The following SORCS2 variants were observed in gnomAD, a reference collection of about 807,000 sequenced individuals.
The protein encoded by SORCS2 is sortilin related VPS10 domain containing receptor 2, also known as VPS10 domain-containing receptor SorCS2.
SORCS2 carries 100 observed loss-of-function variants against 141.6 expected under a neutral mutation model. That is an observed-to-expected ratio of 0.71 (90% CI 0.60 to 0.83). The LOEUF (loss-of-function observed/expected upper bound fraction) is 0.83. SORCS2 is among the 40% of genes least tolerant of loss of function. The probability of loss-of-function intolerance (pLI) is 0.00; values close to 1 mark genes in which losing one functional copy is unlikely to be tolerated. For missense variants in SORCS2, 1,646 were observed against 1,560.2 expected (o/e 1.05, Z -0.93); for synonymous variants, 789 against 676.9 (o/e 1.17, Z -2.57).
chr4:7,500,136 C>A lies in SORCS2; in HGVS notation c.549-31394C>A, dbSNP rs191200357. The stretch of plus-strand genomic sequence containing the variant: ...CTGCCTGTAACCCACTCACCATCAC[C>A]CGGAGCACACCCCTGCCCGGTGGTA... On this transcript the variant is annotated intron_variant, in intron 2 of 26. Coordinates refer to ENST00000507866, the MANE Select transcript of SORCS2 (RefSeq NM_020777.3). Among the ~76,000 whole-genome samples the A allele has an allele frequency of 7.2e-5, 11 of 152,292 alleles. No individual in the cohort carries two copies. In the East Asian group the frequency reaches 1.9e-3, roughly 27 times the overall value.
At chr4:7,400,281 G>A (rs893500832) in intron 2 of SORCS2, among the ~76,000 whole-genome samples, 13 of 152,228 alleles carry the variant, frequency 8.5e-5, no homozygotes, top group African/African-American at 2.6e-4. Flanking sequence ...TGCATGCTAC[G>A]GCTGCTGCCT....
chr4:7,557,279 G>A (rs1320474651), intron 3 of SORCS2, among the ~76,000 whole-genome samples: 2 of 152,148 alleles, frequency 1.3e-5, no homozygotes, highest in Non-Finnish European at 2.9e-5. Context: ...GTGGAGGGAC[G>A]GTGGCAGGGA....
rs565337511 is a variant in SORCS2, at chr4:7,235,229, C to A, written c.480+42103C>A. The stretch of plus-strand genomic sequence containing the variant: ...CTTGCATGAGGGCGCCTTGTGCAGC[C>A]GCACCAGTTAGTACCCCACCCTTCT... On this transcript the variant is annotated intron_variant, in intron 1 of 26. Coordinates refer to ENST00000507866, the MANE Select transcript of SORCS2 (RefSeq NM_020777.3). Among the ~76,000 whole-genome samples, 3 of 152,236 alleles carry A rather than the reference C, an allele frequency of 2.0e-5. No homozygotes were observed. In the East Asian group the frequency reaches 5.8e-4, roughly 29 times the overall value.
rs767275011 is a variant in SORCS2 at position 7,734,363 on chromosome 4, C to T, written c.3300C>T (p.Tyr1100=). Residue 1100 remains tyrosine, a synonymous_variant, in exon 25 of 27, where the codon TAC becomes TAT. Coordinates refer to ENST00000507866, the MANE Select transcript of SORCS2 (RefSeq NM_020777.3). ...TCGCAGCGGGAGCCTTCATCCTCTA[C>T]AAGTTCAAAAGGCAAGGCCCTTGGC... The part of the protein sequence containing the change: ...GLFAAGAFIL[Y]KFKRKRPGRT... 2.0e-5 allele frequency: 31 copies of T among 1,560,260 alleles called. No individual in the cohort carries two copies. Among genetic ancestry groups the T allele is most frequent in the African/African-American group, 2.7e-5 (2 of 73,770 alleles).
At chr4:7,649,892 A>G (rs1003949550) in intron 4 of SORCS2, among the ~76,000 whole-genome samples, 2 of 152,142 alleles carry the variant, frequency 1.3e-5, no homozygotes, top group Non-Finnish European at 2.9e-5. Flanking sequence ...TGACAAGGAC[A>G]CGTGGGAACA....
chr4:7,566,889 C>T (rs1008393383), intron 3 of SORCS2, among the ~76,000 whole-genome samples: 4 of 149,720 alleles, frequency 2.7e-5, no homozygotes, highest in African/African-American at 9.9e-5. Context: ...ACATGGGTAT[C>T]TGGTGAATGC....
chr4:7,440,649 C>T (rs1727604785), intron 2 of SORCS2, among the ~76,000 whole-genome samples: 1 of 152,238 alleles, frequency 6.6e-6, no homozygotes, highest in Non-Finnish European at 1.5e-5. Context: ...TTACCTGTCT[C>T]CCATCCCCTC....
At position 7,458,080 on chromosome 4, in the gene SORCS2, G is replaced by A. The variant is rs544484266; in HGVS notation, c.548+61725G>A. 1.6e-4 allele frequency among the ~76,000 whole-genome samples: 24 copies of A among 152,326 alleles called. No individual in the cohort carries two copies. In the Middle Eastern group the frequency reaches 0.01, roughly 65 times the overall value. ...GAGTGGGTGCCCAACTCCCCTCAGG[G>A]GTGCCATAGGTGACACAGTACTTCT... On this transcript the variant is annotated intron_variant, in intron 2 of 26. Coordinates refer to ENST00000507866, the MANE Select transcript of SORCS2 (RefSeq NM_020777.3).
intron 4 of SORCS2, among the ~76,000 whole-genome samples, chr4:7,651,716 C>T (rs1332416490): frequency 2.0e-5 from 3 of 152,326 alleles, no homozygotes; most frequent in Non-Finnish European, 2.9e-5. Flanking sequence ...TTTTTCCCTC[C>T]GCACCCTCCC....
At chr4:7,501,625 T>G (rs549149591) in intron 2 of SORCS2, among the ~76,000 whole-genome samples, 1 of 152,212 alleles carries the variant, frequency 6.6e-6, no homozygotes, top group Non-Finnish European at 1.5e-5. Flanking sequence ...GGTCTTCCTG[T>G]GTACAAGGCA....
intron 1 of SORCS2, among the ~76,000 whole-genome samples, chr4:7,301,283 A>G (rs1717413291): frequency 6.6e-6 from 1 of 152,194 alleles, no homozygotes; most frequent in South Asian, 2.1e-4. Context: ...CACAGCAGCT[A>G]TCGAAACAGA....
intron 1 of SORCS2, among the ~76,000 whole-genome samples, chr4:7,309,081 C>T (rs922501335): frequency 2.0e-5 from 3 of 152,222 alleles, no homozygotes; most frequent in African/African-American, 7.2e-5. Flanking sequence ...CTGGGTCTAG[C>T]ACCAGGCGGG....
chr4:7,440,991 G>C (rs1278607386), intron 2 of SORCS2, among the ~76,000 whole-genome samples: 1 of 152,198 alleles, frequency 6.6e-6, no homozygotes, highest in African/African-American at 2.4e-5. Flanking sequence ...GTTTCGTGGG[G>C]TGAGACCGTG....
intron 2 of SORCS2, among the ~76,000 whole-genome samples, chr4:7,512,449 AC>A (rs559378391): frequency 6.6e-6 from 1 of 151,946 alleles, no homozygotes; most frequent in African/African-American, 2.4e-5. Flanking sequence ...GAGGACAGTC[AC>A]TGAAGGAGGC....
At chr4:7,219,459 A>C (rs1728566603) in intron 1 of SORCS2, among the ~76,000 whole-genome samples, 1 of 152,196 alleles carries the variant, frequency 6.6e-6, no homozygotes, top group African/African-American at 2.4e-5. Context: ...CTATAAGGAC[A>C]TACCTGAGAC....
At chr4:7,289,999 C>T (rs1224101504) in intron 1 of SORCS2, among the ~76,000 whole-genome samples, 1 of 152,206 alleles carries the variant, frequency 6.6e-6, no homozygotes, top group Non-Finnish European at 1.5e-5. Context: ...GGCCTTGGCA[C>T]TCCCAGGCTG....
At position 7,728,411 on chromosome 4, in the gene SORCS2, C is replaced by T. The variant is rs1454892617; in HGVS notation, c.2931C>T (p.Thr977=). 2 of 1,613,690 alleles carry T rather than the reference C, an allele frequency of 1.2e-6. No homozygotes were observed. Among genetic ancestry groups the T allele is most frequent in the East Asian group, 2.2e-5 (1 of 44,894 alleles). Residue 977 remains threonine (T), a synonymous_variant, in exon 22 of 27, where the codon ACC becomes ACT. Transcript: ENST00000507866. ...AGCTGGATGCCTACAACCCCAACAC[C>T]CCTGAGTGGAGGGAAGACGTGGGCC... The part of the protein sequence containing the change: ...SKELDAYNPN[T]PEWREDVGLV...
chr4:7,649,960 T>C (rs761361856), intron 4 of SORCS2, among the ~76,000 whole-genome samples: 9 of 152,114 alleles, frequency 5.9e-5, no homozygotes, highest in Non-Finnish European at 1.0e-4. Context: ...AGCCAGCAGA[T>C]GTGGCCTCTG....
In SORCS2 at chr4:7,216,967, C is replaced by T. The variant is rs564659699; in HGVS notation, c.480+23841C>T. 2.6e-5 allele frequency among the ~76,000 whole-genome samples: 4 copies of T among 152,290 alleles called. No individual in the cohort carries two copies. The East Asian group carries it at 7.7e-4, about 29-fold the overall frequency. On this transcript the variant is annotated intron_variant, in intron 1 of 26. Coordinates refer to ENST00000507866, the MANE Select transcript of SORCS2 (RefSeq NM_020777.3). Reference sequence around the variant, plus strand: ...CTGCGTGGCGGTTCCCGTGGCTCTTCTGATCCCCCATCCGCACTGTGTGGC... The same window carrying T: ...CTGCGTGGCGGTTCCCGTGGCTCTTTTGATCCCCCATCCGCACTGTGTGGC...
Sources: gnomAD v4.1 joint callset for allele counts (sites outside exome capture counted in the v4.1 genomes callset) on GRCh38, gnomAD v4.1.1 for gene constraint, MANE v1.5 for transcripts, NCBI Gene and HGNC (gene_info 2026-07-23, HGNC 2026-07-21) for gene names.